The following TSNARE1 variants were observed in gnomAD, a reference collection of about 807,000 sequenced individuals.
The protein encoded by TSNARE1 is t-SNARE domain-containing protein 1.
Under a neutral mutation model 62.0 loss-of-function variants are expected in TSNARE1, and 49 were observed. The ratio of observed to expected loss-of-function variants is 0.79; its 90% CI spans 0.63 to 1.00. TSNARE1 has a LOEUF of 1.00. Ranked by LOEUF, TSNARE1 falls within the 50% of genes least tolerant of loss-of-function variation. TSNARE1 has a pLI of 0.00. For synonymous variants in TSNARE1, 328 were observed against 294.4 expected (o/e 1.11, Z -1.17); for missense variants, 755 against 700.1 (o/e 1.08, Z -0.88).
At chr8:142,330,991 A>G (rs965866085) in intron 5 of TSNARE1, 21 bp from the exon 6 acceptor site, 1 of 1,612,366 alleles carries the variant, frequency 6.2e-7, no homozygotes, top group Non-Finnish European at 8.5e-7. Context: ...GAAGAGGGAC[A>G]GGGTGAGGGC....
chr8:142,358,670 G>C (rs1299283072), intron 1 of TSNARE1, among the ~76,000 whole-genome samples: 1 of 152,000 alleles, frequency 6.6e-6, no homozygotes, highest in Admixed American at 6.6e-5. Context: ...CGCAGGCAGA[G>C]GAGGCCAGTC....
At chr8:142,230,990 ACCAT>A (rs964107418) in intron 12 of TSNARE1, among the ~76,000 whole-genome samples, 11 of 145,038 alleles carry the variant, frequency 7.6e-5, no homozygotes, top group African/African-American at 2.8e-4. Context: ...CATCCATTCA[ACCAT>A]CCATCCATCT....
In TSNARE1 at chr8:142,318,629, G is replaced by A. The variant is rs374364548; in HGVS notation, c.899C>T (p.Thr300Met). ...GGTCTTGTTGGTCTCCTGCTGTGCC[G>A]TGTGCCTGGGGGCCGAGAAGGAGCC... ...DTQELRDSLH[T>M]AQQETNKTIA... Residue 300 changes from threonine (T) to methionine (M), a missense_variant, in exon 7 of 14, where the codon ACG (threonine) becomes ATG (methionine). Coordinates refer to ENST00000524325, the MANE Select transcript of TSNARE1 (RefSeq NM_145003.5). 3.5e-5 allele frequency: 56 copies of A among 1,613,652 alleles called. No homozygotes were observed. The Middle Eastern group carries it at 1.3e-3, about 38-fold the overall frequency.
chr8:142,307,999 C>T (rs2131471385), intron 9 of TSNARE1, among the ~76,000 whole-genome samples: 1 of 152,346 alleles, frequency 6.6e-6, no homozygotes, highest in Middle Eastern at 3.4e-3. Flanking sequence ...GCCAAGTACA[C>T]AATCACAGGC....
chr8:142,375,079 G>A (rs1006013687), intron 1 of TSNARE1, among the ~76,000 whole-genome samples: 22 of 152,240 alleles, frequency 1.4e-4, no homozygotes, highest in Admixed American at 1.3e-3. Flanking sequence ...CCAACCAGAA[G>A]AAACAGAAGT....
chr8:142,268,279 C>T (rs117341454), intron 12 of TSNARE1, among the ~76,000 whole-genome samples: 6 of 152,238 alleles, frequency 3.9e-5, no homozygotes, highest in African/African-American at 9.6e-5. Context: ...GCAAAGGGCA[C>T]GTGTGCACTG....
chr8:142,309,691 G>C (rs1258365565), intron 9 of TSNARE1, among the ~76,000 whole-genome samples: 2 of 152,148 alleles, frequency 1.3e-5, no homozygotes, highest in Non-Finnish European at 2.9e-5. Flanking sequence ...GTTCATAACA[G>C]AGACAGGCAT....
At chr8:142,275,220 T>TCTG in intron 11 of TSNARE1, 1 of 985,362 alleles carries the variant, frequency 1.0e-6, no homozygotes, top group Non-Finnish European at 1.2e-6. Flanking sequence ...GCCCCTCCAC[T>TCTG]CTGTGGCCAC....
intron 12 of TSNARE1, among the ~76,000 whole-genome samples, chr8:142,246,286 C>T (rs928278574): frequency 1.3e-5 from 2 of 152,156 alleles, no homozygotes; most frequent in African/African-American, 4.8e-5. Context: ...GCTGAGGGTC[C>T]TCTTGAGGGC....
At chr8:142,233,283 G>A (rs980694732) in intron 12 of TSNARE1, among the ~76,000 whole-genome samples, 7 of 152,358 alleles carry the variant, frequency 4.6e-5, no homozygotes, top group African/African-American at 1.2e-4. Context: ...CTGGGGCTCA[G>A]GCCCCTTTTA....
chr8:142,367,043 TAGGAATAAA>T (rs1835599233), intron 1 of TSNARE1, among the ~76,000 whole-genome samples: 1 of 150,384 alleles, frequency 6.6e-6, no homozygotes, highest in Admixed American at 6.6e-5. Flanking sequence ...ATAGTATACC[TAGGAATAAA>T]TTTAACATGA....
chr8:142,216,214 C>T (rs1295466543), intron 13 of TSNARE1, among the ~76,000 whole-genome samples: 1 of 152,204 alleles, frequency 6.6e-6, no homozygotes, highest in Non-Finnish European at 1.5e-5. Flanking sequence ...TGCCATGGTG[C>T]CCCCGCCCCT....
chr8:142,267,250 T>C (rs1021811428), intron 12 of TSNARE1, among the ~76,000 whole-genome samples: 6 of 152,230 alleles, frequency 3.9e-5, no homozygotes, highest in Non-Finnish European at 5.9e-5. Flanking sequence ...TCTTATTTTG[T>C]GGGTATCCCA....
intron 13 of TSNARE1, among the ~76,000 whole-genome samples, chr8:142,216,318 G>A (rs1815835711): frequency 6.6e-6 from 1 of 152,192 alleles, no homozygotes; most frequent in Admixed American, 6.5e-5. Flanking sequence ...CTGGTGCAGT[G>A]CAGAGAGGCA....
chr8:142,396,928 G>A (rs1837932623), intron 1 of TSNARE1, among the ~76,000 whole-genome samples: 1 of 152,240 alleles, frequency 6.6e-6, no homozygotes, highest in East Asian at 1.9e-4. Context: ...ACCAGGTAGA[G>A]CAAGCTCTGT....
intron 12 of TSNARE1, among the ~76,000 whole-genome samples, chr8:142,236,292 C>A (rs940184330): frequency 2.6e-5 from 4 of 151,632 alleles, no homozygotes; most frequent in Non-Finnish European, 2.9e-5. Context: ...CAGGGCAGGG[C>A]AGGTTCAGAG....
chr8:142,302,844 C>T (rs184889175), intron 9 of TSNARE1, among the ~76,000 whole-genome samples: 2 of 152,302 alleles, frequency 1.3e-5, no homozygotes, highest in Non-Finnish European at 2.9e-5. Context: ...TCTCTCCCCA[C>T]TGGACCCTGC....
chr8:142,278,528 C>T (rs1586971561), intron 11 of TSNARE1: 1 of 985,426 alleles, frequency 1.0e-6, no homozygotes, highest in Non-Finnish European at 1.2e-6. Context: ...CGGAGGACGG[C>T]GAAGGAGCTC....
chr8:142,356,998 G>A (rs760978694), intron 1 of TSNARE1, among the ~76,000 whole-genome samples: 1 of 152,088 alleles, frequency 6.6e-6, no homozygotes, highest in Non-Finnish European at 1.5e-5. Flanking sequence ...AACATTGGGA[G>A]CAGCAGCAAA....
Sources: allele counts gnomAD v4.1 joint callset (sites outside exome capture counted in the v4.1 genomes callset), GRCh38; gene constraint gnomAD v4.1.1; transcripts MANE v1.5; gene names NCBI Gene and HGNC (gene_info 2026-07-23, HGNC 2026-07-21).